The following POLR2B variants were observed in gnomAD, a reference collection of about 807,000 sequenced individuals.
The protein encoded by POLR2B is DNA-directed RNA polymerase II subunit RPB2.
A neutral mutation model predicts 144.6 loss-of-function variants in POLR2B; 57 were observed. That is an observed-to-expected ratio of 0.39 (90% CI 0.32 to 0.49). POLR2B has a LOEUF of 0.49. Ranked by LOEUF, POLR2B falls within the 20% of genes least tolerant of loss-of-function variation. The pLI, the probability that POLR2B is intolerant of heterozygous loss-of-function variation, is 0.83. For missense variants in POLR2B, 595 were observed against 1,467.4 expected, an observed-to-expected ratio of 0.41 and a Z score of 9.71; for synonymous variants, 442 against 469.8, an observed-to-expected ratio of 0.94 and a Z score of 0.77.
At chr4:56,985,025 A>G (rs538748986) in intron 1 of POLR2B, among the ~76,000 whole-genome samples, 1 of 152,276 alleles carries the variant, frequency 6.6e-6, no homozygotes, top group African/African-American at 2.4e-5. Flanking sequence ...ACTCTGGTTC[A>G]TTTGGGAAGA....
chr4:56,993,038 T>C (rs1722568459), intron 3 of POLR2B, among the ~76,000 whole-genome samples: 1 of 152,070 alleles, frequency 6.6e-6, no homozygotes, highest in South Asian at 2.1e-4. Flanking sequence ...ATGTGGTGGC[T>C]CATGCCTGTA....
At chr4:57,021,218 G>A (rs960607142) in intron 17 of POLR2B, among the ~76,000 whole-genome samples, 2 of 152,156 alleles carry the variant, frequency 1.3e-5, no homozygotes, top group Non-Finnish European at 2.9e-5. Context: ...GTTGCATTTA[G>A]ATAATATAGA....
intron 7 of POLR2B, 104 bp from the exon 8 acceptor site, chr4:57,005,142 A>C: frequency 1.8e-6 from 1 of 544,196 alleles, no homozygotes; most frequent in Non-Finnish European, 3.1e-6. Flanking sequence ...ATATTTTATT[A>C]TGTTCATAGG....
Position 57,031,147 on chromosome 4 carries a change from T to C in POLR2B, c.*159T>C. ...TCTTCTGTAAATATATAATAAATTTTTGTAGATAGTCTTGATGTGTGATCT... is the reference window on the plus strand; with the variant it reads ...TCTTCTGTAAATATATAATAAATTTCTGTAGATAGTCTTGATGTGTGATCT... On this transcript the variant is annotated 3_prime_UTR_variant, in exon 25 of 25. Transcript: ENST00000314595. 1.4e-6 allele frequency: 1 copy of C among 718,878 alleles called. No individual in the cohort carries two copies. Among genetic ancestry groups the C allele is most frequent in the Non-Finnish European group, 2.4e-6 (1 of 419,308 alleles). The allele number at this position is 718,878 out of a possible 1,614,324, so 44.5% of individuals were successfully genotyped here. A position where few individuals can be genotyped will look rare whatever the true frequency, so the allele number is the denominator to read the frequency against.
chr4:57,020,749 T>C, intron 16 of POLR2B, 150 bp from the exon 17 acceptor site: 1 of 683,194 alleles, frequency 1.5e-6, no homozygotes, highest in East Asian at 2.7e-5. Flanking sequence ...CAGATTGCTA[T>C]TCCAGGAGGA....
At chr4:57,008,599 G>T (rs796657584) in intron 10 of POLR2B, among the ~76,000 whole-genome samples, 14 of 152,350 alleles carry the variant, frequency 9.2e-5, no homozygotes, top group South Asian at 6.2e-4. Context: ...GACAGTCTAT[G>T]CTTGTAGATG....
chr4:57,004,218 G>T (rs1476804853), intron 7 of POLR2B, among the ~76,000 whole-genome samples: 1 of 151,352 alleles, frequency 6.6e-6, no homozygotes, highest in Admixed American at 6.6e-5. Flanking sequence ...GTAGAGACGG[G>T]GTTTCACTGT....
At chr4:57,025,675 AG>A in intron 23 of POLR2B, 138 bp downstream of exon 23, 1 of 591,498 alleles carries the variant, frequency 1.7e-6, no homozygotes, top group Non-Finnish European at 3.0e-6. Flanking sequence ...ACTGATGGCC[AG>A]TCTTGTTGCA....
At chr4:57,001,233 A>G (rs28391373) in intron 7 of POLR2B, among the ~76,000 whole-genome samples, 2 of 152,008 alleles carry the variant, frequency 1.3e-5, no homozygotes, top group Non-Finnish European at 2.9e-5. Context: ...GCAGTGGCAC[A>G]ATCTCAGCTC....
At chr4:56,984,981 C>T (rs1722272936) in intron 1 of POLR2B, among the ~76,000 whole-genome samples, 1 of 152,110 alleles carries the variant, frequency 6.6e-6, no homozygotes. Flanking sequence ...TTGGACAGGG[C>T]ATAGCAGGCA....
chr4:57,029,265 A>G (rs748810975), intron 23 of POLR2B, among the ~76,000 whole-genome samples: 3 of 151,784 alleles, frequency 2.0e-5, no homozygotes, highest in Non-Finnish European at 2.9e-5. Flanking sequence ...ATACCATTCT[A>G]TTTTTTCTCA....
chr4:57,004,187 C>T (rs1001271270), intron 7 of POLR2B, among the ~76,000 whole-genome samples: 3 of 151,646 alleles, frequency 2.0e-5, no homozygotes, highest in Non-Finnish European at 2.9e-5. Context: ...CAACCATGCC[C>T]GGCTAATTTT....
At position 56,992,190 on chromosome 4, in the gene POLR2B, C is replaced by G. The variant is rs140801739; in HGVS notation, c.243+1292C>G. ...AAGGAAATATTTGGTGTGGCCGGTG[C>G]GATGGCTCATGCCTATAATTTTAGC... On this transcript the variant is annotated intron_variant, in intron 3 of 24. Coordinates refer to ENST00000314595, the MANE Select transcript of POLR2B (RefSeq NM_000938.3). 5.9e-5 allele frequency among the ~76,000 whole-genome samples: 9 copies of G among 152,094 alleles called. No homozygotes were observed. In the South Asian group the frequency reaches 1.5e-3, roughly 25 times the overall value.
chr4:57,030,342 G>C lies in POLR2B; in HGVS notation c.3378G>C (p.Ala1126=). The C allele has an allele frequency of 1.2e-6, 2 of 1,614,084 alleles. No homozygotes were observed. Among genetic ancestry groups the C allele is most frequent in the Non-Finnish European group, 1.7e-6 (2 of 1,179,972 alleles). ...TTTGCAATCTTTGTGGAATAATGGC[G>C]ATTGCCAACACCAGGACCCATACAT... is the stretch of plus-strand genomic sequence containing the variant. ...VHVCNLCGIM[A]IANTRTHTYE... is the part of the protein sequence containing the mutation. Residue 1126 remains alanine (A), a synonymous_variant, in exon 24 of 25, where the codon GCG becomes GCC. Transcript: ENST00000314595.
In POLR2B at chr4:57,017,776, G is replaced by A; in HGVS notation, c.2323+48G>A. 6.9e-7 allele frequency: 1 copy of A among 1,455,186 alleles called. No individual in the cohort carries two copies. The highest frequency in any genetic ancestry group is 9.5e-7 in the Non-Finnish European group (1 of 1,055,440). The allele number at this position is 1,455,186 out of a possible 1,614,324, so 90.1% of individuals were successfully genotyped here. A position where few individuals can be genotyped will look rare whatever the true frequency, so the allele number is the denominator to read the frequency against. On this transcript the variant is annotated intron_variant, in intron 16 of 24. Coordinates refer to ENST00000314595, the MANE Select transcript of POLR2B (RefSeq NM_000938.3). This position sits in a 1 kb window ranked among gnomAD's most constrained non-coding sequence, Gnocchi z 4.8. ...TTATTTAAGATCCTTCTGTGCTTAAGGCACTTTTCTGGGTGCTTGGGAGGA... is the reference window on the plus strand; with the variant it reads ...TTATTTAAGATCCTTCTGTGCTTAAAGCACTTTTCTGGGTGCTTGGGAGGA...
chr4:56,997,444 A>T (rs915570060), intron 6 of POLR2B, among the ~76,000 whole-genome samples: 2 of 152,126 alleles, frequency 1.3e-5, no homozygotes, highest in African/African-American at 4.8e-5. Context: ...TTTTGTAGAG[A>T]CAGGGTTTCA....
chr4:57,020,963 G>C lies in POLR2B; in HGVS notation c.2388G>C (p.Met796Ile), dbSNP rs778158535. Reference protein sequence around the residue: ...TGYNQEDSVIMNRSAVDRGFF... With the variant: ...TGYNQEDSVIINRSAVDRGFF... ...ATAATCAGGAAGACTCTGTTATCAT[G>C]AATCGTTCAGCTGTAGACCGCGGCT... is the stretch of plus-strand genomic sequence containing the variant. Residue 796 changes from methionine (M) to isoleucine (I), a missense_variant, in exon 17 of 25, where the codon ATG (methionine) becomes ATC (isoleucine). Met to Ile is a conservative substitution (Grantham distance 10). Transcript: ENST00000314595. 29 of 1,605,672 alleles carry C rather than the reference G, an allele frequency of 1.8e-5. No homozygotes were observed. The highest frequency in any genetic ancestry group is 2.4e-5 in the Non-Finnish European group (28 of 1,172,362).
At chr4:57,006,760 G>A in intron 9 of POLR2B, 56 bp from the exon 10 acceptor site, 1 of 1,351,646 alleles carries the variant, frequency 7.4e-7, no homozygotes, top group South Asian at 1.3e-5. Context: ...TCCTCCTGTT[G>A]AGAATATATG....
At chr4:57,024,771 A>C (rs1723661673) in intron 21 of POLR2B, 115 bp from the exon 22 acceptor site, 2 of 618,920 alleles carry the variant, frequency 3.2e-6, no homozygotes, top group African/African-American at 1.9e-5. Context: ...ACTTAAAATA[A>C]TACTTTCAAA....
Sources: allele counts gnomAD v4.1 joint callset (sites outside exome capture counted in the v4.1 genomes callset), GRCh38; gene constraint gnomAD v4.1.1; non-coding constraint Gnocchi (gnomAD v3.1); transcripts MANE v1.5; gene names NCBI Gene and HGNC (gene_info 2026-07-23, HGNC 2026-07-21).